The following TRIM44 variants were observed in gnomAD, a reference collection of about 807,000 sequenced individuals.
TRIM44 encodes tripartite motif-containing protein 44.
TRIM44 carries 13 observed loss-of-function variants against 37.4 expected under a neutral mutation model. The observed-to-expected ratio is 0.35, with a 90% CI of 0.23 to 0.55. TRIM44 has a LOEUF of 0.55. Among genes scored for constraint, TRIM44 ranks in the 20% least tolerant of loss-of-function variants. The pLI is 0.89. For synonymous variants in TRIM44, 175 were observed against 157.2 expected, an observed-to-expected ratio of 1.11 and a Z score of -0.85; for missense variants, 426 against 437.2, an observed-to-expected ratio of 0.97 and a Z score of 0.23.
At position 35,810,730 on chromosome 11, in the gene TRIM44, A is replaced by G. The variant is rs1479686786; in HGVS notation, c.*4345A>G. The G allele has an allele frequency of 6.6e-6, 1 of 152,202 alleles. No individual in the cohort carries two copies. Among genetic ancestry groups the G allele is most frequent in the Non-Finnish European group, 1.5e-5 (1 of 68,042 alleles). The allele number at this position is 152,202 out of a possible 1,614,324, so 9.4% of individuals were successfully genotyped here. On this transcript the variant is annotated 3_prime_UTR_variant, in exon 5 of 5. Transcript: ENST00000299413. ...GACTTTGAGGGGACAGCAGATTAAT[A>G]CTTAATGAGGGTTAAACCTGACCAG...
intron 1 of TRIM44, among the ~76,000 whole-genome samples, chr11:35,668,970 A>G (rs149181723): frequency 1.3e-5 from 2 of 152,108 alleles, no homozygotes; most frequent in Non-Finnish European, 2.9e-5. Flanking sequence ...TAAGAACTGT[A>G]GGCATATTGA....
intron 2 of TRIM44, among the ~76,000 whole-genome samples, chr11:35,710,070 G>A (rs1344301527): frequency 1.3e-5 from 2 of 152,168 alleles, no homozygotes; most frequent in East Asian, 1.9e-4. Context: ...CCTCAGCAGT[G>A]TGTGACTGGA....
intron 4 of TRIM44, among the ~76,000 whole-genome samples, chr11:35,784,822 G>C (rs1853108923): frequency 6.6e-6 from 1 of 152,290 alleles, no homozygotes; most frequent in Middle Eastern, 3.4e-3. Flanking sequence ...AAAAAACTAG[G>C]TTGTAGAATT....
At chr11:35,749,080 T>C (rs1430851592) in intron 4 of TRIM44, among the ~76,000 whole-genome samples, 1 of 152,194 alleles carries the variant, frequency 6.6e-6, no homozygotes, top group African/African-American at 2.4e-5. Context: ...TATTTTACTT[T>C]GAAACAGTGA....
chr11:35,694,820 T>C (rs1185932642), intron 2 of TRIM44, among the ~76,000 whole-genome samples: 1 of 152,070 alleles, frequency 6.6e-6, no homozygotes, highest in East Asian at 1.9e-4. Context: ...GCAAGGACAG[T>C]CTTTCTCTGA....
chr11:35,801,908 C>T (rs1314584526), intron 4 of TRIM44, among the ~76,000 whole-genome samples: 1 of 152,100 alleles, frequency 6.6e-6, no homozygotes, highest in Non-Finnish European at 1.5e-5. Flanking sequence ...AAGTATGTGC[C>T]TTTTTGCCCG....
intron 4 of TRIM44, among the ~76,000 whole-genome samples, chr11:35,764,611 C>T (rs1242313325): frequency 1.3e-5 from 2 of 152,144 alleles, no homozygotes; most frequent in African/African-American, 2.4e-5. Context: ...TGGCAGAACC[C>T]GTTCGGCATC....
intron 4 of TRIM44, among the ~76,000 whole-genome samples, chr11:35,800,424 A>T (rs1853350413): frequency 6.6e-6 from 1 of 152,208 alleles, no homozygotes. Flanking sequence ...TTGTGCTTAC[A>T]GTCCTTTAGC....
In TRIM44 at chr11:35,663,154, G is replaced by T. The variant is rs1448866032; in HGVS notation, c.43G>T (p.Asp15Tyr). The change falls in exon 1 of 5, where the codon GAC becomes TAC. Residue 15 changes from aspartate to tyrosine, a missense_variant. Asp to Tyr is a radical substitution (Grantham distance 160, BLOSUM62 -3). Transcript: ENST00000299413. ...VGAAFEELPH[D>Y]GTCDECEPDE... ...CGCGGCCTTCGAGGAACTGCCTCAC[G>T]ACGGCACGTGTGACGAGTGCGAGCC... The T allele has an allele frequency of 1.9e-6, 3 of 1,550,306 alleles. No individual in the cohort carries two copies. Among genetic ancestry groups the T allele is most frequent in the Non-Finnish European group, 2.6e-6 (3 of 1,148,990 alleles).
Position 35,805,059 on chromosome 11 carries a change from A to G in TRIM44, c.1008-1299A>G, listed in dbSNP as rs548540500. On this transcript the variant is annotated intron_variant, in intron 4 of 4. Transcript: ENST00000299413. ...TGTTCTACAGGCCTTTTCCTTTTCT[A>G]CCAGCTTGACCACTTCAGACTTTAT... Among the ~76,000 whole-genome samples the G allele has an allele frequency of 5.3e-5, 8 of 152,200 alleles. No homozygotes were observed. In the South Asian group the frequency reaches 1.7e-3, roughly 32 times the overall value.
chr11:35,703,531 C>T (rs566989572), intron 2 of TRIM44, among the ~76,000 whole-genome samples: 175 of 152,018 alleles, frequency 1.2e-3, no homozygotes, highest in Non-Finnish European at 2.3e-3. Flanking sequence ...TAGACTGACA[C>T]CTCACACGGC....
At chr11:35,746,974 T>A (rs1369910451) in intron 4 of TRIM44, among the ~76,000 whole-genome samples, 2 of 152,218 alleles carry the variant, frequency 1.3e-5, no homozygotes, top group African/African-American at 4.8e-5. Flanking sequence ...CCCTCTGGTT[T>A]CATCATTTCT....
At chr11:35,795,731 GT>G (rs1853275510) in intron 4 of TRIM44, among the ~76,000 whole-genome samples, 2 of 152,004 alleles carry the variant, frequency 1.3e-5, no homozygotes, top group Non-Finnish European at 2.9e-5. Flanking sequence ...GAGGAAATGG[GT>G]GTTGCAGGTA....
At chr11:35,730,561 A>G (rs1398378636) in intron 3 of TRIM44, among the ~76,000 whole-genome samples, 1 of 152,200 alleles carries the variant, frequency 6.6e-6, no homozygotes, top group African/African-American at 2.4e-5. Context: ...CTGAAAACTA[A>G]TGACAAAGAA....
intron 1 of TRIM44, among the ~76,000 whole-genome samples, chr11:35,665,419 A>G (rs1475895713): frequency 1.3e-5 from 2 of 151,068 alleles, no homozygotes; most frequent in East Asian, 1.9e-4. Flanking sequence ...ATTTTTGTCA[A>G]TCTTGTGGCT....
At chr11:35,704,726 C>A (rs1385862086) in intron 2 of TRIM44, among the ~76,000 whole-genome samples, 1 of 152,152 alleles carries the variant, frequency 6.6e-6, no homozygotes, top group East Asian at 1.9e-4. Flanking sequence ...GATTTTGTCA[C>A]CACCAGGCCT....
At chr11:35,732,872 A>G (rs1334322929) in intron 3 of TRIM44, among the ~76,000 whole-genome samples, 2 of 152,178 alleles carry the variant, frequency 1.3e-5, no homozygotes, top group African/African-American at 4.8e-5. Flanking sequence ...ATGTGTGTGT[A>G]TATTCTTGCT....
At chr11:35,710,593 T>C (rs886961514) in intron 2 of TRIM44, among the ~76,000 whole-genome samples, 3 of 152,224 alleles carry the variant, frequency 2.0e-5, no homozygotes, top group Non-Finnish European at 4.4e-5. Flanking sequence ...AGGAAAAGCA[T>C]AGTAAACAAA....
intron 3 of TRIM44, among the ~76,000 whole-genome samples, chr11:35,728,215 A>G (rs911705338): frequency 1.3e-5 from 2 of 152,164 alleles, no homozygotes; most frequent in Non-Finnish European, 1.5e-5. Flanking sequence ...AGTCCCAGCT[A>G]CTTGGGAGGC....
Sources: allele counts gnomAD v4.1 joint callset (sites outside exome capture counted in the v4.1 genomes callset), GRCh38; gene constraint gnomAD v4.1.1; transcripts MANE v1.5; gene names NCBI Gene and HGNC (gene_info 2026-07-23, HGNC 2026-07-21).